Variants in PSMA6 observed in about 807,000 individuals in gnomAD.
The protein encoded by PSMA6 is proteasome 20S subunit alpha 6.
For missense variants in PSMA6, 170 were observed against 294.8 expected (o/e 0.58, Z 3.10); for synonymous variants, 88 against 97.7 (o/e 0.90, Z 0.59).
intron 1 of PSMA6, among the ~76,000 whole-genome samples, chr14:35,306,696 G>T (rs1403790118): frequency 6.6e-6 from 1 of 152,198 alleles, no homozygotes; most frequent in Non-Finnish European, 1.5e-5. Context: ...GACAGAGCAA[G>T]ATCTGTAATC....
chr14:35,297,122 T>TTG (rs1234051559), intron 1 of PSMA6, among the ~76,000 whole-genome samples: 1 of 131,886 alleles, frequency 7.6e-6, no homozygotes, highest in East Asian at 2.0e-4. Context: ...TAACAAAGTT[T>TTG]TTTTTTTTTT....
At chr14:35,304,812 C>T (rs2051792879) in intron 1 of PSMA6, among the ~76,000 whole-genome samples, 1 of 151,880 alleles carries the variant, frequency 6.6e-6, no homozygotes, top group South Asian at 2.1e-4. Context: ...GGGGTTATGG[C>T]TCATACCTGC....
intron 1 of PSMA6, chr14:35,293,203 A>G (rs1400109530): frequency 3.0e-6 from 1 of 332,864 alleles, no homozygotes; most frequent in Non-Finnish European, 6.0e-6. Flanking sequence ...TGCTCTTGAG[A>G]TTGGCATCCC....
intron 1 of PSMA6, among the ~76,000 whole-genome samples, chr14:35,286,478 C>T (rs1198662323): frequency 1.3e-5 from 2 of 152,096 alleles, no homozygotes; most frequent in Non-Finnish European, 2.9e-5. Context: ...CCTTGGCTTC[C>T]AGAAACAAGA....
chr14:35,281,234 A>G (rs1208021378), intron 1 of PSMA6, among the ~76,000 whole-genome samples: 2 of 152,218 alleles, frequency 1.3e-5, no homozygotes, highest in Non-Finnish European at 2.9e-5. Flanking sequence ...TATTTTGAGT[A>G]GCCACAAACC....
chr14:35,303,998 AGT>A (rs2051771605), intron 1 of PSMA6, among the ~76,000 whole-genome samples: 2 of 148,650 alleles, frequency 1.3e-5, no homozygotes, highest in African/African-American at 5.0e-5. Context: ...TTTTAGACGG[AGT>A]CTCGCTCTGT....
intron 1 of PSMA6, among the ~76,000 whole-genome samples, chr14:35,306,104 C>T (rs1490224037): frequency 6.6e-6 from 1 of 151,840 alleles, no homozygotes; most frequent in African/African-American, 2.4e-5. Flanking sequence ...TGGTATACAC[C>T]TGTGGTCCCA....
chr14:35,284,797 TG>T (rs1224874861), intron 1 of PSMA6, among the ~76,000 whole-genome samples: 9 of 152,234 alleles, frequency 5.9e-5, no homozygotes, highest in African/African-American at 1.7e-4. Flanking sequence ...TATAATCATA[TG>T]ATATCTTCAG....
chr14:35,280,681 C>G (rs2051357263), intron 1 of PSMA6, among the ~76,000 whole-genome samples: 1 of 151,980 alleles, frequency 6.6e-6, no homozygotes, highest in South Asian at 2.1e-4. Flanking sequence ...CACACCCAGC[C>G]TGGTCTCATT....
intron 1 of PSMA6, 49 bp downstream of exon 1, chr14:35,292,601 G>A (rs1443042547): frequency 6.2e-7 from 1 of 1,603,986 alleles, no homozygotes; most frequent in Non-Finnish European, 8.5e-7. Context: ...CCCTGTCATG[G>A]TACGTGCCTG....
intron 2 of PSMA6, 26 bp from the exon 3 acceptor site, chr14:35,308,888 T>G (rs748146015): frequency 4.1e-5 from 63 of 1,524,706 alleles, no homozygotes; most frequent in Non-Finnish European, 5.6e-5. Context: ...TTTTAAAAAA[T>G]TATCTTTGTT....
At chr14:35,311,906 G>A (rs1001948626) in intron 4 of PSMA6, among the ~76,000 whole-genome samples, 3 of 152,058 alleles carry the variant, frequency 2.0e-5, no homozygotes, top group African/African-American at 7.2e-5. Context: ...CCCATACACT[G>A]TTCCCTGGAA....
At chr14:35,308,478 T>C in intron 2 of PSMA6, 1 of 190,734 alleles carries the variant, frequency 5.2e-6, no homozygotes, top group Non-Finnish European at 1.1e-5. Flanking sequence ...TGTAGAAAAG[T>C]GTATTTTTAT....
In PSMA6 at chr14:35,317,459, G is replaced by T; in HGVS notation, c.*153G>T. ...TAGGACTCTATATAAATAAAAACAA[G>T]GCTTTTGGAAAATAATTGCATCCTG... On this transcript the variant is annotated 3_prime_UTR_variant, in exon 7 of 7. Transcript: ENST00000261479. The T allele has an allele frequency of 1.7e-6, 1 of 598,718 alleles. No homozygotes were observed. Among genetic ancestry groups the T allele is most frequent in the Non-Finnish European group, 2.9e-6 (1 of 345,106 alleles). The allele number at this position is 598,718 out of a possible 1,614,324, so 37.1% of individuals were successfully genotyped here. A position where few individuals can be genotyped will look rare whatever the true frequency, so the allele number is the denominator to read the frequency against.
intron 5 of PSMA6, 129 bp from the exon 6 acceptor site, chr14:35,314,232 T>C (rs1243483390): frequency 2.7e-6 from 3 of 1,114,368 alleles, no homozygotes; most frequent in Non-Finnish European, 3.5e-6. Flanking sequence ...AGCAGTCTGT[T>C]AGTAACATTG....
At chr14:35,278,838 T>C (rs1566545604) in intron 1 of PSMA6, 1 of 1,159,570 alleles carries the variant, frequency 8.6e-7, no homozygotes, top group Non-Finnish European at 1.2e-6. Flanking sequence ...CCCAAGTTGC[T>C]TTTTTTTCTA....
intron 6 of PSMA6, chr14:35,316,603 C>T (rs540166975): frequency 4.0e-5 from 6 of 151,494 alleles, no homozygotes; most frequent in Admixed American, 1.3e-4. Context: ...CAAGGTGGCT[C>T]ACGCCTGTAA....
At chr14:35,307,454 C>T (rs566143041) in intron 1 of PSMA6, among the ~76,000 whole-genome samples, 8 of 152,150 alleles carry the variant, frequency 5.3e-5, no homozygotes, top group South Asian at 2.1e-4. Flanking sequence ...ATTATTGGGG[C>T]GGGGAGTGGT....
chr14:35,288,860 C>T (rs182524522), upstream of PSMA6, among the ~76,000 whole-genome samples: 67 of 152,362 alleles, frequency 4.4e-4, no homozygotes, highest in African/African-American at 1.5e-3. Flanking sequence ...TTAAGCCAAG[C>T]TTGTCCAACC....
Sources: allele counts gnomAD v4.1 joint callset (sites outside exome capture counted in the v4.1 genomes callset), GRCh38; gene constraint gnomAD v4.1.1; transcripts MANE v1.5; gene names NCBI Gene and HGNC (gene_info 2026-07-23, HGNC 2026-07-21).